ESRRG: variants seen among roughly 807,000 people sequenced by gnomAD.
ESRRG encodes the protein estrogen-related receptor gamma.
In ESRRG, 13 loss-of-function variants were observed where a neutral mutation model predicts 44.0. That is an observed-to-expected ratio of 0.30 (90% CI 0.19 to 0.47). The LOEUF (loss-of-function observed/expected upper bound fraction) is 0.47. Ranked by LOEUF, ESRRG falls within the 20% of genes least tolerant of loss-of-function variation. The pLI is 1.00. For missense variants in ESRRG, 395 were observed against 580.6 expected (o/e 0.68, Z 3.29); for synonymous variants, 215 against 214.6 (o/e 1.00, Z -0.02).
intron 1 of ESRRG, among the ~76,000 whole-genome samples, chr1:217,085,481 A>ATTTTTT (rs148354268): frequency 6.1e-5 from 3 of 49,130 alleles, no homozygotes; most frequent in East Asian, 7.7e-4. Flanking sequence ...TTTTCTTTTC[A>ATTTTTT]TTTTTTTTTT....
intron 2 of ESRRG, among the ~76,000 whole-genome samples, chr1:216,746,436 G>A (rs2091408403): frequency 1.3e-5 from 2 of 152,216 alleles, no homozygotes; most frequent in East Asian, 1.9e-4. Flanking sequence ...AATATATATA[G>A]TGTTTTATAT....
intron 2 of ESRRG, among the ~76,000 whole-genome samples, chr1:216,666,875 G>T (rs530042388): frequency 6.6e-6 from 1 of 152,272 alleles, no homozygotes; most frequent in South Asian, 2.1e-4. Flanking sequence ...ACAGTTACTC[G>T]CTAGGAGAGC....
At chr1:216,879,631 C>T (rs1309710033) in intron 2 of ESRRG, among the ~76,000 whole-genome samples, 2 of 152,138 alleles carry the variant, frequency 1.3e-5, no homozygotes, top group Admixed American at 6.5e-5. Context: ...TTTTCTACTC[C>T]TTTTGTGACA....
At chr1:216,943,697 G>T (rs892446947) in intron 1 of ESRRG, among the ~76,000 whole-genome samples, 1 of 152,132 alleles carries the variant, frequency 6.6e-6, no homozygotes, top group Admixed American at 6.6e-5. Context: ...ATTTTTAAAA[G>T]GGGAAACACA....
intron 1 of ESRRG, among the ~76,000 whole-genome samples, chr1:217,056,638 G>A (rs892998458): frequency 4.6e-5 from 7 of 151,384 alleles, no homozygotes; most frequent in South Asian, 2.1e-4. Flanking sequence ...AATACTATGA[G>A]GGTAGGGGGA....
At chr1:217,072,350 C>T (rs1412842734) in intron 1 of ESRRG, among the ~76,000 whole-genome samples, 2 of 152,178 alleles carry the variant, frequency 1.3e-5, no homozygotes, top group African/African-American at 4.8e-5. Context: ...CTGAGCTACA[C>T]TATTCCAGAG....
chr1:216,612,548 G>C (rs1393014317), intron 3 of ESRRG, among the ~76,000 whole-genome samples: 1 of 151,868 alleles, frequency 6.6e-6, no homozygotes, highest in Non-Finnish European at 1.5e-5. Context: ...CTCCTTTCTT[G>C]TTTCCCTCCC....
At chr1:216,913,834 C>T (rs1285361722) in intron 2 of ESRRG, among the ~76,000 whole-genome samples, 1 of 152,152 alleles carries the variant, frequency 6.6e-6, no homozygotes, top group African/African-American at 2.4e-5. Flanking sequence ...GAGAAATTAG[C>T]TATCATTATA....
intron 3 of ESRRG, among the ~76,000 whole-genome samples, chr1:216,647,014 T>C (rs1386727293): frequency 1.3e-5 from 2 of 152,136 alleles, no homozygotes; most frequent in African/African-American, 2.4e-5. Context: ...CTAAATGAAA[T>C]GATTATTGCT....
At chr1:216,988,623 AC>A (rs2075236251) in intron 1 of ESRRG, among the ~76,000 whole-genome samples, 1 of 152,162 alleles carries the variant, frequency 6.6e-6, no homozygotes, top group Non-Finnish European at 1.5e-5. Flanking sequence ...TTCAATCCAT[AC>A]TTAGTTCCTC....
chr1:216,675,603 A>G (rs1411064439), intron 2 of ESRRG, among the ~76,000 whole-genome samples: 1 of 152,198 alleles, frequency 6.6e-6, no homozygotes, highest in Non-Finnish European at 1.5e-5. Context: ...CAGCAGTAGC[A>G]TGGTCTAGAG....
intron 3 of ESRRG, among the ~76,000 whole-genome samples, chr1:216,603,336 A>G (rs2059491744): frequency 6.6e-6 from 1 of 152,204 alleles, no homozygotes; most frequent in Non-Finnish European, 1.5e-5. Context: ...AGACTGATAC[A>G]ATCTGTGAAC....
chr1:216,906,117 G>T (rs888661159), intron 2 of ESRRG, among the ~76,000 whole-genome samples: 1 of 152,200 alleles, frequency 6.6e-6, no homozygotes. Flanking sequence ...GTATGTACTA[G>T]TGATTAACAA....
intron 2 of ESRRG, among the ~76,000 whole-genome samples, chr1:216,787,329 G>A (rs1033557501): frequency 2.6e-5 from 4 of 152,032 alleles, no homozygotes; most frequent in African/African-American, 9.7e-5. Context: ...AAAAGGCTGG[G>A]TGCAGTGGTT....
intron 1 of ESRRG, among the ~76,000 whole-genome samples, chr1:216,961,919 C>T (rs2576217): frequency 0.52 from 78,416 of 151,920 alleles, 21,942 homozygotes; most frequent in Middle Eastern, 0.7. Flanking sequence ...TAATCTTTAC[C>T]ACAGATTATT....
chr1:216,946,645 C>T (rs1189018036), intron 1 of ESRRG, among the ~76,000 whole-genome samples: 2 of 152,136 alleles, frequency 1.3e-5, no homozygotes, highest in Non-Finnish European at 2.9e-5. Flanking sequence ...TCTGAGCATC[C>T]ATTTAAATTT....
At chr1:216,526,327 G>T (rs2047636798) in intron 5 of ESRRG, among the ~76,000 whole-genome samples, 3 of 152,060 alleles carry the variant, frequency 2.0e-5, no homozygotes, top group Admixed American at 2.0e-4. Context: ...CATTAAAGTG[G>T]GCCCTAATGT....
Position 216,593,982 on chromosome 1 carries a change from C to T in ESRRG, c.590-25884G>A, listed in dbSNP as rs972064409. Among the ~76,000 whole-genome samples the T allele has an allele frequency of 3.3e-5, 5 of 152,152 alleles. No homozygotes were observed. The East Asian group carries it at 9.6e-4, about 29-fold the overall frequency. The stretch of plus-strand genomic sequence containing the variant: ...TCCTGGGCTCAGGCAATCCTCCTGC[C>T]TCAGCCTCTCAAAGTGCTGGGATTA... On this transcript the variant is annotated intron_variant, in intron 3 of 6. Coordinates refer to ENST00000408911, the MANE Select transcript of ESRRG (RefSeq NM_001438.4).
At chr1:216,651,568 C>T (rs570313124) in intron 2 of ESRRG, among the ~76,000 whole-genome samples, 1 of 152,222 alleles carries the variant, frequency 6.6e-6, no homozygotes, top group Admixed American at 6.5e-5. Flanking sequence ...ACAAATATGG[C>T]ATGTTATAGT....
Sources: gnomAD v4.1 joint callset for allele counts (sites outside exome capture counted in the v4.1 genomes callset) on GRCh38, gnomAD v4.1.1 for gene constraint, MANE v1.5 for transcripts, NCBI Gene and HGNC (gene_info 2026-07-23, HGNC 2026-07-21) for gene names.